Variants in AQR observed in about 807,000 individuals in gnomAD.
AQR encodes aquarius intron-binding spliceosomal factor.
In AQR, 61 loss-of-function variants were observed where a neutral mutation model predicts 180.5. The ratio of observed to expected loss-of-function variants is 0.34; its 90% CI spans 0.28 to 0.42. AQR has a LOEUF of 0.42. Ranked by LOEUF, AQR falls within the 10% of genes least tolerant of loss-of-function variation. The probability of loss-of-function intolerance (pLI) is 1.00; values close to 1 mark genes in which losing one functional copy is unlikely to be tolerated. For synonymous variants in AQR, 551 were observed against 588.8 expected (o/e 0.94, Z 0.93); for missense variants, 1,281 against 1,798.3 (o/e 0.71, Z 5.20).
intron 3 of AQR, among the ~76,000 whole-genome samples, 158 bp from the exon 4 acceptor site, chr15:34,953,078 T>G (rs1894257187): frequency 6.6e-6 from 1 of 152,240 alleles, no homozygotes; most frequent in Admixed American, 6.5e-5. Context: ...TTCAACTTCT[T>G]AAGCACTGAC....
intron 1 of AQR, among the ~76,000 whole-genome samples, chr15:34,968,910 T>C (rs965741375): frequency 6.6e-6 from 1 of 152,166 alleles, no homozygotes; most frequent in Non-Finnish European, 1.5e-5. Flanking sequence ...CTACTTACAC[T>C]CTTATGCAAT....
chr15:34,884,397 C>T (rs1479027720), intron 26 of AQR, 128 bp downstream of exon 26: 1 of 820,370 alleles, frequency 1.2e-6, no homozygotes, highest in African/African-American at 1.8e-5. Context: ...CAGGGCAAGA[C>T]TCCGTCTCAA....
At chr15:34,950,168 C>A (rs1358025931) in intron 4 of AQR, among the ~76,000 whole-genome samples, 1 of 145,120 alleles carries the variant, frequency 6.9e-6, no homozygotes, top group African/African-American at 2.6e-5. Context: ...CGGCTCACTG[C>A]AACCTCTGCC....
chr15:34,953,693 C>T (rs1237039888), intron 3 of AQR, among the ~76,000 whole-genome samples: 1 of 152,224 alleles, frequency 6.6e-6, no homozygotes, highest in Non-Finnish European at 1.5e-5. Flanking sequence ...TTGAGTGACA[C>T]ACTCTAAATC....
rs761498158 is a variant in AQR, at chr15:34,910,241, G to C, written c.1557C>G (p.Val519=). ...CTATGTTGGGTTTGGCCACTTCAAC[G>C]ACAGTGAAAGCCACAATGGGCTGGG... is the stretch of plus-strand genomic sequence containing the variant. ...RMAQPIVAFT[V]VEVAKPNIGE... The change falls in exon 17 of 35, where the codon GTC becomes GTG. Residue 519 remains valine, a synonymous_variant. Coordinates refer to ENST00000156471, the MANE Select transcript of AQR (RefSeq NM_014691.3). 6.2e-7 allele frequency: 1 copy of C among 1,614,146 alleles called. No homozygotes were observed. The highest frequency in any genetic ancestry group is 8.5e-7 in the Non-Finnish European group (1 of 1,180,036).
Position 34,862,784 on chromosome 15 carries a change from C to T in AQR, c.4029+83G>A, listed in dbSNP as rs1359089465. The T allele has an allele frequency of 2.8e-6, 4 of 1,411,452 alleles. No homozygotes were observed. In the African/African-American group the frequency reaches 5.8e-5, roughly 20 times the overall value. 87.4% of individuals were successfully genotyped at this position (1,411,452 alleles called of 1,614,324 possible). Reference sequence around the variant, plus strand: ...GACTAAATTATCTATAATAATGTTCCAAGCTAATGTGGTCACCTATAAGAA... The same window carrying T: ...GACTAAATTATCTATAATAATGTTCTAAGCTAATGTGGTCACCTATAAGAA... On this transcript the variant is annotated intron_variant, in intron 33 of 34. Coordinates refer to ENST00000156471, the MANE Select transcript of AQR (RefSeq NM_014691.3).
At chr15:34,953,962 T>C (rs927490520) in intron 3 of AQR, among the ~76,000 whole-genome samples, 29 of 152,228 alleles carry the variant, frequency 1.9e-4, no homozygotes, top group Admixed American at 1.3e-3. Flanking sequence ...TCGCCCACAC[T>C]AGAGTGCAGT....
At position 34,910,286 on chromosome 15, in the gene AQR, A is replaced by C. The variant is rs755020367; in HGVS notation, c.1512T>G (p.Phe504Leu). 1 of 1,613,924 alleles carries C rather than the reference A, an allele frequency of 6.2e-7. No homozygotes were observed. Among genetic ancestry groups the C allele is most frequent in the South Asian group, 1.1e-5 (1 of 91,086 alleles). ...GCTGGGCCATTCGCGCCCAACCACC[A>C]AACACTACACCGCCATATTCAGATT... ...PWQSEYGGVV[F>L]GGWARMAQPI... The change falls in exon 17 of 35, where the codon TTT (phenylalanine) becomes TTG (leucine). Residue 504 changes from phenylalanine to leucine, a missense_variant. By Grantham distance (22) the Phe-to-Leu change is conservative. Transcript: ENST00000156471.
At chr15:34,915,717 C>T (rs1446568627) in intron 15 of AQR, among the ~76,000 whole-genome samples, 5 of 151,472 alleles carry the variant, frequency 3.3e-5, no homozygotes, top group Admixed American at 1.3e-4. Context: ...AAGCCGAGGC[C>T]GGTGGATCAC....
rs150185947 is a variant in AQR, at chr15:34,949,054, G to A, written c.210-670C>T. On this transcript the variant is annotated intron_variant, in intron 4 of 34. Transcript: ENST00000156471. Reference sequence around the variant, plus strand: ...GTGGCCCAGACTGGAGTACAATGGCGTAATCTTGGCTCACAGCAACCTCCA... The same window carrying A: ...GTGGCCCAGACTGGAGTACAATGGCATAATCTTGGCTCACAGCAACCTCCA... 6.3e-4 allele frequency among the ~76,000 whole-genome samples: 96 copies of A among 151,776 alleles called. 1 individual carries two copies. In the South Asian group the frequency reaches 8.2e-3, roughly 13 times the overall value.
At chr15:34,890,363 C>T (rs759038470) in intron 23 of AQR, 39 bp from the exon 24 acceptor site, 17 of 1,543,546 alleles carry the variant, frequency 1.1e-5, no homozygotes, top group African/African-American at 6.9e-5. Flanking sequence ...CACCTTTAAA[C>T]GTAGCAAAAA....
intron 2 of AQR, 149 bp downstream of exon 2, chr15:34,964,085 T>C (rs1295612277): frequency 6.4e-6 from 4 of 625,200 alleles, no homozygotes; most frequent in Non-Finnish European, 1.1e-5. Flanking sequence ...ACATAAATCA[T>C]TGCTAAGTTT....
intron 23 of AQR, among the ~76,000 whole-genome samples, chr15:34,892,509 C>A (rs1321590834): frequency 2.0e-5 from 3 of 152,136 alleles, no homozygotes; most frequent in African/African-American, 4.8e-5. Flanking sequence ...TTCACATTGA[C>A]CCTCTCCAGT....
At chr15:34,940,659 G>T (rs1439955751) in intron 8 of AQR, among the ~76,000 whole-genome samples, 1 of 152,072 alleles carries the variant, frequency 6.6e-6, no homozygotes, top group Admixed American at 6.6e-5. Flanking sequence ...AAAAACAGTG[G>T]GTCAACTATA....
chr15:34,904,601 G>T, intron 18 of AQR, 96 bp from the exon 19 acceptor site: 3 of 1,207,092 alleles, frequency 2.5e-6, no homozygotes, highest in Non-Finnish European at 3.4e-6. Flanking sequence ...GTGAGTAAAT[G>T]GTTCAGGCTT....
chr15:34,932,196 A>T, intron 11 of AQR, 122 bp downstream of exon 11: 2 of 743,310 alleles, frequency 2.7e-6, no homozygotes, highest in South Asian at 1.8e-5. Context: ...TTTATATATT[A>T]AGACATGACT....
At chr15:34,858,612 C>T (rs1892625155) in intron 34 of AQR, among the ~76,000 whole-genome samples, 1 of 152,092 alleles carries the variant, frequency 6.6e-6, no homozygotes, top group Non-Finnish European at 1.5e-5. Flanking sequence ...TACAGAAAAG[C>T]AAAGGAACTG....
At chr15:34,870,977 T>G in intron 30 of AQR, 55 bp from the exon 31 acceptor site, 1 of 1,552,202 alleles carries the variant, frequency 6.4e-7, no homozygotes. Context: ...TTCAATTTTA[T>G]AGAGAAAATA....
chr15:34,929,135 T>G (rs775106885), intron 12 of AQR, among the ~76,000 whole-genome samples: 1 of 152,222 alleles, frequency 6.6e-6, no homozygotes, highest in Non-Finnish European at 1.5e-5. Flanking sequence ...TCCCATTCTG[T>G]AGGTTGCCTG....
Sources: gnomAD v4.1 joint callset for allele counts (sites outside exome capture counted in the v4.1 genomes callset) on GRCh38, gnomAD v4.1.1 for gene constraint, MANE v1.5 for transcripts, NCBI Gene and HGNC (gene_info 2026-07-23, HGNC 2026-07-21) for gene names.